ECPAS: variants seen among roughly 807,000 people sequenced by gnomAD.
ECPAS encodes the protein proteasome adapter and scaffold protein ECM29.
ECPAS carries 70 observed loss-of-function variants against 255.1 expected under a neutral mutation model. That is an observed-to-expected ratio of 0.27 (90% CI 0.23 to 0.33). The LOEUF (loss-of-function observed/expected upper bound fraction) is 0.33, where lower values mean the gene tolerates loss of function less well. Ranked by LOEUF, ECPAS falls within the 10% of genes least tolerant of loss-of-function variation. ECPAS has a pLI of 1.00. For synonymous variants in ECPAS, 784 were observed against 775.0 expected (o/e 1.01, Z -0.19); for missense variants, 1,817 against 2,206.4 (o/e 0.82, Z 3.54).
chr9:111,466,426 C>A (rs1413816388), intron 2 of ECPAS, among the ~76,000 whole-genome samples: 1 of 151,858 alleles, frequency 6.6e-6, no homozygotes, highest in Non-Finnish European at 1.5e-5. Flanking sequence ...GCCTGGGCGA[C>A]AGAGCGAGAC....
intron 29 of ECPAS, 66 bp from the exon 30 acceptor site, chr9:111,390,167 T>C (rs2098157279): frequency 1.1e-6 from 1 of 919,174 alleles, no homozygotes; most frequent in East Asian, 2.7e-5. Flanking sequence ...AAAAATTACA[T>C]CATCAATATT....
intron 2 of ECPAS, among the ~76,000 whole-genome samples, chr9:111,466,243 C>T (rs1325571265): frequency 1.3e-5 from 2 of 151,964 alleles, no homozygotes; most frequent in East Asian, 1.9e-4. Flanking sequence ...GTCAGGAGTT[C>T]AAGACCAGCC....
At chr9:111,392,710 A>C (rs2098162043) in intron 28 of ECPAS, 58 bp downstream of exon 28, 1 of 1,135,308 alleles carries the variant, frequency 8.8e-7, no homozygotes, top group Admixed American at 2.3e-5. Context: ...GCATCTTCTC[A>C]CTATGTGTAG....
intron 48 of ECPAS, 123 bp downstream of exon 48, chr9:111,366,116 G>T: frequency 1.6e-6 from 1 of 640,034 alleles, no homozygotes; most frequent in Non-Finnish European, 2.8e-6. Context: ...AGTATAATAA[G>T]TAGCAGAGTC....
At chr9:111,384,608 A>G in intron 33 of ECPAS, 39 bp from the exon 34 acceptor site, 1 of 1,584,882 alleles carries the variant, frequency 6.3e-7, no homozygotes, top group Non-Finnish European at 8.7e-7. Flanking sequence ...CAAGTTAGAG[A>G]GTTTCACTAT....
intron 1 of ECPAS, among the ~76,000 whole-genome samples, chr9:111,474,999 T>C (rs1224847144): frequency 6.6e-6 from 1 of 152,208 alleles, no homozygotes; most frequent in African/African-American, 2.4e-5. Context: ...TGCATAATAT[T>C]TCCCTATCTC....
chr9:111,373,888 G>C, intron 39 of ECPAS, 84 bp downstream of exon 39: 1 of 998,966 alleles, frequency 1.0e-6, no homozygotes. Flanking sequence ...AGGTCTGAAT[G>C]ATAAGTATTT....
chr9:111,432,142 T>C (rs1037786920), intron 8 of ECPAS, among the ~76,000 whole-genome samples: 4 of 152,246 alleles, frequency 2.6e-5, no homozygotes, highest in African/African-American at 4.8e-5. Context: ...GAAAATGATA[T>C]AATGAACAAA....
At chr9:111,479,884 C>A (rs1215397250) in intron 1 of ECPAS, among the ~76,000 whole-genome samples, 4 of 148,534 alleles carry the variant, frequency 2.7e-5, no homozygotes, top group African/African-American at 1.0e-4. Flanking sequence ...GAGGCTAAGG[C>A]AGGAGAATTG....
chr9:111,462,068 A>G (rs1266121243), intron 2 of ECPAS, among the ~76,000 whole-genome samples: 1 of 152,226 alleles, frequency 6.6e-6, no homozygotes, highest in Non-Finnish European at 1.5e-5. Flanking sequence ...ACAGAGCCAA[A>G]CCATATCATC....
chr9:111,390,091 A>G lies in ECPAS; in HGVS notation c.3172T>C (p.Ser1058Pro). ...LGKTPDGQGL[S>P]TYKELCSLAS... ...AGAGAACAAAGTTCCTTGTAAGTAG[A>G]AAGGCCCTGACTTGGAAACAAAGAA... Residue 1058 changes from serine (S) to proline (P), a missense_variant, in exon 30 of 50, where the codon TCT becomes CCT. Ser to Pro is a moderately conservative substitution (Grantham distance 74). Transcript: ENST00000684092. 1.3e-6 allele frequency: 2 copies of G among 1,581,170 alleles called. No individual in the cohort carries two copies. The highest frequency in any genetic ancestry group is 1.7e-6 in the Non-Finnish European group (2 of 1,156,242).
chr9:111,395,272 G>T (rs2098165941), intron 25 of ECPAS, among the ~76,000 whole-genome samples: 2 of 152,046 alleles, frequency 1.3e-5, no homozygotes, highest in South Asian at 4.1e-4. Context: ...ACATGCCCAG[G>T]ATATTATGTA....
chr9:111,427,168 A>T (rs2098223012), intron 10 of ECPAS, among the ~76,000 whole-genome samples: 1 of 150,434 alleles, frequency 6.6e-6, no homozygotes, highest in Admixed American at 6.6e-5. Flanking sequence ...CAGAAAAAAA[A>T]AAAAAGCAAT....
chr9:111,410,123 G>A lies in ECPAS; in HGVS notation c.2468C>T (p.Pro823Leu). 6.2e-7 allele frequency: 1 copy of A among 1,610,070 alleles called. No homozygotes were observed. The highest frequency in any genetic ancestry group is 8.5e-7 in the Non-Finnish European group (1 of 1,178,262). The change falls in exon 23 of 50, where the codon CCC becomes CTC. Residue 823 changes from proline to leucine, a missense_variant. This residue lies in a region of ECPAS where 194 missense variants were observed against 152.8 expected (regional missense o/e 1.27). Transcript: ENST00000684092. The stretch of plus-strand genomic sequence containing the variant: ...TTTGGTAAAGCCAGATCCCTCACTG[G>A]GGATTGGAAGTGGACCATTTCTGCC... The part of the protein sequence containing the change: ...EIGRNGPLPI[P>L]SEGSGFTKLH...
At chr9:111,459,834 A>G (rs10121708) in intron 2 of ECPAS, among the ~76,000 whole-genome samples, 2,765 of 152,296 alleles carry the variant, frequency 0.018, 84 homozygotes, top group African/African-American at 0.062. Flanking sequence ...CACACAAAAA[A>G]ATGGCAGGAC....
intron 31 of ECPAS, 110 bp from the exon 32 acceptor site, chr9:111,386,566 T>C (rs2098148940): frequency 1.5e-6 from 1 of 669,576 alleles, no homozygotes; most frequent in Non-Finnish European, 2.6e-6. Context: ...ACCATGTTTC[T>C]ATATTTTACG....
At chr9:111,480,343 G>T (rs188371361) in intron 1 of ECPAS, among the ~76,000 whole-genome samples, 73 of 138,522 alleles carry the variant, frequency 5.3e-4, no homozygotes, top group Non-Finnish European at 9.0e-4. Context: ...TGTTGCCCAG[G>T]CTGGAGTGCA....
At chr9:111,370,099 G>C (rs2098125486) in intron 45 of ECPAS, among the ~76,000 whole-genome samples, 1 of 152,210 alleles carries the variant, frequency 6.6e-6, no homozygotes, top group South Asian at 2.1e-4. Flanking sequence ...CTCCTCAAGA[G>C]AGACATGGCA....
At chr9:111,440,178 A>G (rs1196937556) in intron 6 of ECPAS, among the ~76,000 whole-genome samples, 194 bp downstream of exon 6, 2 of 152,166 alleles carry the variant, frequency 1.3e-5, no homozygotes, top group South Asian at 2.1e-4. Context: ...AGAGTCTAAA[A>G]TCACAATGGC....
Sources: allele counts gnomAD v4.1 joint callset (sites outside exome capture counted in the v4.1 genomes callset), GRCh38; gene constraint gnomAD v4.1.1; regional missense constraint gnomAD v4.1.1; transcripts MANE v1.5; gene names NCBI Gene and HGNC (gene_info 2026-07-23, HGNC 2026-07-21).